SOAT1: variants seen among roughly 807,000 people sequenced by gnomAD.
SOAT1 encodes the protein sterol O-acyltransferase 1, also known as acyl-coenzyme A:cholesterol acyltransferase 1.
A neutral mutation model predicts 69.5 loss-of-function variants in SOAT1; 55 were observed. The observed-to-expected ratio is 0.79, with a 90% CI of 0.64 to 0.99. The LOEUF (loss-of-function observed/expected upper bound fraction) is 0.99. Ranked by LOEUF, SOAT1 falls within the 50% of genes least tolerant of loss-of-function variation. SOAT1 has a pLI of 0.00. For synonymous variants in SOAT1, 231 were observed against 224.7 expected, an observed-to-expected ratio of 1.03 and a Z score of -0.25; for missense variants, 580 against 669.3, an observed-to-expected ratio of 0.87 and a Z score of 1.47.
chr1:179,341,286 C>T lies in SOAT1; in HGVS notation c.756C>T (p.Ser252=). The T allele has an allele frequency of 6.2e-7, 1 of 1,614,024 alleles. No homozygotes were observed. Residue 252 remains serine, a synonymous_variant, in exon 7 of 16, where the codon TCC becomes TCT. Coordinates refer to ENST00000367619, the MANE Select transcript of SOAT1 (RefSeq NM_003101.6). ...VVLAYTLPPA[S]RFIIIFEQIR... is the part of the protein sequence containing the mutation. ...TAGCATATACACTGCCACCAGCTTC[C>T]CGGTTCATCATTATATTCGAGCAGG...
chr1:179,298,127 C>G (rs1176905582), intron 1 of SOAT1, among the ~76,000 whole-genome samples: 1 of 1,538 alleles, frequency 6.5e-4, no homozygotes, highest in African/African-American at 1.4e-3. Flanking sequence ...GTGACTTGAT[C>G]TAACTTGAGT....
chr1:179,323,045 CTTTTTTT>C (rs36045111), intron 2 of SOAT1, among the ~76,000 whole-genome samples: 2 of 126,740 alleles, frequency 1.6e-5, no homozygotes, highest in Admixed American at 8.1e-5. Context: ...TCTTTTCTTT[CTTTTTTT>C]TTTTTTTTTG....
chr1:179,313,426 C>T (rs1277797957), intron 2 of SOAT1, among the ~76,000 whole-genome samples: 1 of 151,982 alleles, frequency 6.6e-6, no homozygotes, highest in Non-Finnish European at 1.5e-5. Flanking sequence ...GACTTACTGG[C>T]ACCCATTTCT....
At chr1:179,348,679 C>A (rs958243319) in intron 12 of SOAT1, among the ~76,000 whole-genome samples, 165 bp from the exon 13 acceptor site, 15 of 151,804 alleles carry the variant, frequency 9.9e-5, no homozygotes, top group Non-Finnish European at 1.5e-5. Context: ...AGTGTATGAA[C>A]CAACAGTTTA....
chr1:179,342,321 C>A (rs1666367885), intron 8 of SOAT1, 129 bp downstream of exon 8: 1 of 559,374 alleles, frequency 1.8e-6, no homozygotes, highest in Non-Finnish European at 3.1e-6. Flanking sequence ...TTCTCTTTCT[C>A]TTTCTCTCTC....
intron 10 of SOAT1, among the ~76,000 whole-genome samples, chr1:179,344,376 T>TGAGAAGGAG (rs1666453495): frequency 4.0e-5 from 1 of 24,824 alleles, no homozygotes; most frequent in Non-Finnish European, 8.4e-5. Flanking sequence ...TTTTTTTTTT[T>TGAGAAGGAG]TTTTTTTTTT....
chr1:179,337,624 A>G (rs375342466), intron 4 of SOAT1, among the ~76,000 whole-genome samples: 1 of 152,088 alleles, frequency 6.6e-6, no homozygotes, highest in African/African-American at 2.4e-5. Context: ...CCTCACAGAG[A>G]GGGTAAATGA....
Position 179,357,422 on chromosome 1 carries a change from C to G in SOAT1, c.*3781C>G, listed in dbSNP as rs1033587531. On this transcript the variant is annotated 3_prime_UTR_variant, in exon 16 of 16. Transcript: ENST00000367619. ...TTCACCATGATGGTCAGGCTGGTCT[C>G]GAACTCCTGACCTCATGATCCGCCA... 6.6e-6 allele frequency: 1 copy of G among 152,190 alleles called. No individual in the cohort carries two copies. Among genetic ancestry groups the G allele is most frequent in the Admixed American group, 6.5e-5 (1 of 15,278 alleles). 9.4% of individuals were successfully genotyped at this position (152,190 alleles called of 1,614,324 possible).
intron 3 of SOAT1, among the ~76,000 whole-genome samples, chr1:179,323,921 T>A (rs1447053419): frequency 1.3e-5 from 2 of 152,130 alleles, no homozygotes; most frequent in East Asian, 3.8e-4. Flanking sequence ...TCATTTCAAG[T>A]GGGGATAAAT....
intron 3 of SOAT1, among the ~76,000 whole-genome samples, chr1:179,331,003 G>T (rs1665951213): frequency 6.6e-6 from 1 of 152,104 alleles, no homozygotes; most frequent in Non-Finnish European, 1.5e-5. Flanking sequence ...TAAGAAAGGG[G>T]GTAGGCACTG....
chr1:179,344,595 GA>G (rs1301042266), intron 10 of SOAT1, among the ~76,000 whole-genome samples: 1 of 151,888 alleles, frequency 6.6e-6, no homozygotes, highest in East Asian at 1.9e-4. Context: ...GGCTGGTCTC[GA>G]ACTCTGACCT....
Position 179,353,745 on chromosome 1 carries a change from C to A in SOAT1, c.*104C>A. 1.0e-6 allele frequency: 1 copy of A among 977,430 alleles called. No homozygotes were observed. The highest frequency in any genetic ancestry group is 1.6e-6 in the Non-Finnish European group (1 of 622,890). The allele number at this position is 977,430 out of a possible 1,614,324, so 60.5% of individuals were successfully genotyped here. On this transcript the variant is annotated 3_prime_UTR_variant, in exon 16 of 16. Coordinates refer to ENST00000367619, the MANE Select transcript of SOAT1 (RefSeq NM_003101.6). ...CTGAAGTTATCTGTGTTATTTGGAC[C>A]ACTCCAGGCTTTACAGATGACTCAC... is the stretch of plus-strand genomic sequence containing the variant.
intron 11 of SOAT1, 109 bp from the exon 12 acceptor site, chr1:179,347,491 C>CT: frequency 6.4e-6 from 4 of 628,182 alleles, no homozygotes; most frequent in Non-Finnish European, 1.1e-5. Context: ...GGAATAATAA[C>CT]TTATATTTTA....
At chr1:179,319,407 T>G (rs1382423323) in intron 2 of SOAT1, among the ~76,000 whole-genome samples, 2 of 151,670 alleles carry the variant, frequency 1.3e-5, no homozygotes, top group Non-Finnish European at 2.9e-5. Flanking sequence ...GTAGCTGGGA[T>G]TATAGGCATG....
At chr1:179,336,537 C>T (rs1166430357) in intron 4 of SOAT1, among the ~76,000 whole-genome samples, 1 of 150,742 alleles carries the variant, frequency 6.6e-6, no homozygotes, top group South Asian at 2.1e-4. Context: ...GCTGAGTGCT[C>T]TACATGATGA....
At chr1:179,303,653 ATTGCTGC>A (rs944563358) in intron 2 of SOAT1, among the ~76,000 whole-genome samples, 1 of 152,208 alleles carries the variant, frequency 6.6e-6, no homozygotes, top group Non-Finnish European at 1.5e-5. Flanking sequence ...GAATGTAAAC[ATTGCTGC>A]TTGAGTTGGC....
intron 3 of SOAT1, among the ~76,000 whole-genome samples, chr1:179,328,734 A>G (rs1185544368): frequency 6.6e-6 from 1 of 152,086 alleles, no homozygotes; most frequent in Non-Finnish European, 1.5e-5. Flanking sequence ...ATTACTTTCT[A>G]TTTCTCCTTC....
At chr1:179,324,431 A>G (rs897634623) in intron 3 of SOAT1, among the ~76,000 whole-genome samples, 20 of 150,454 alleles carry the variant, frequency 1.3e-4, no homozygotes, top group African/African-American at 4.9e-4. Flanking sequence ...CTTAACATTA[A>G]GAGATCTACC....
intron 15 of SOAT1, 127 bp from the exon 16 acceptor site, chr1:179,353,458 G>A (rs1666816528): frequency 1.3e-6 from 1 of 795,082 alleles, no homozygotes; most frequent in South Asian, 1.5e-5. Flanking sequence ...ATACCTTGAG[G>A]GTTGTTGAAA....
Sources: allele counts gnomAD v4.1 joint callset (sites outside exome capture counted in the v4.1 genomes callset), GRCh38; gene constraint gnomAD v4.1.1; transcripts MANE v1.5; gene names NCBI Gene and HGNC (gene_info 2026-07-23, HGNC 2026-07-21).